The following ME3 variants were observed in gnomAD, a reference collection of about 807,000 sequenced individuals.
ME3 encodes NADP-dependent malic enzyme, mitochondrial.
Under a neutral mutation model 68.9 loss-of-function variants are expected in ME3, and 48 were observed. The ratio of observed to expected loss-of-function variants is 0.70; its 90% CI spans 0.55 to 0.89. The LOEUF (loss-of-function observed/expected upper bound fraction) is 0.89. Among genes scored for constraint, ME3 ranks in the 40% least tolerant of loss-of-function variants. ME3 has a pLI of 0.00. For synonymous variants in ME3, 320 were observed against 318.8 expected, an observed-to-expected ratio of 1.00 and a Z score of -0.04; for missense variants, 675 against 797.4, an observed-to-expected ratio of 0.85 and a Z score of 1.85.
At chr11:86,654,563 C>T (rs964007254) in intron 2 of ME3, among the ~76,000 whole-genome samples, 1 of 152,184 alleles carries the variant, frequency 6.6e-6, no homozygotes, top group Admixed American at 6.5e-5. Flanking sequence ...ATGCTGAAAA[C>T]TCTCAATGAA....
At chr11:86,532,354 T>C (rs1955314132) in intron 4 of ME3, among the ~76,000 whole-genome samples, 2 of 152,152 alleles carry the variant, frequency 1.3e-5, no homozygotes, top group African/African-American at 4.8e-5. Flanking sequence ...GAATTACACT[T>C]TGAACAAAAT....
intron 6 of ME3, 97 bp from the exon 7 acceptor site, chr11:86,487,537 G>A (rs1483949095): frequency 7.2e-6 from 7 of 975,444 alleles, no homozygotes; most frequent in South Asian, 1.4e-5. Flanking sequence ...GAACCAGAAG[G>A]TGGGAGGAGA....
chr11:86,447,545 A>T (rs1171231496), intron 11 of ME3, among the ~76,000 whole-genome samples: 3 of 152,028 alleles, frequency 2.0e-5, no homozygotes, highest in Admixed American at 6.5e-5. Context: ...TGCCCATCTC[A>T]TTGTGGTTAG....
At position 86,669,141 on chromosome 11, in the gene ME3, A is replaced by G. The variant is rs141110598; in HGVS notation, c.183+2621T>C. Among the ~76,000 whole-genome samples the G allele has an allele frequency of 4.8e-3, 734 of 152,184 alleles. 11 individuals are homozygous for G. The highest frequency in any genetic ancestry group is 0.017 in the African/African-American group (710 of 41,500). ...AGCCAGAGGGTGGCACTCCAGTGGG[A>G]AGAGAAGGGCACTCACAGTAACTCC... is the stretch of plus-strand genomic sequence containing the variant. On this transcript the variant is annotated intron_variant, in intron 2 of 14. Coordinates refer to ENST00000543262, the Ensembl canonical transcript of ME3.
At chr11:86,501,482 G>A (rs1800462237) in intron 5 of ME3, among the ~76,000 whole-genome samples, 1 of 152,216 alleles carries the variant, frequency 6.6e-6, no homozygotes, top group African/African-American at 2.4e-5. Flanking sequence ...GTCTGGCCAT[G>A]TGAAGCTTAA....
At chr11:86,559,767 C>G (rs538087697) in exon 3 of ME3, 4 of 1,613,986 alleles carry the variant, frequency 2.5e-6, no homozygotes, top group Non-Finnish European at 2.5e-6. Context: ...GAAAGCAGGG[C>G]GGGATTAGGC....
At chr11:86,519,853 C>T (rs1211506526) in intron 4 of ME3, among the ~76,000 whole-genome samples, 4 of 152,196 alleles carry the variant, frequency 2.6e-5, no homozygotes, top group Admixed American at 2.0e-4. Context: ...AGGTAACTGT[C>T]CATGCCTTGG....
chr11:86,563,566 A>AT (rs1957340167), intron 2 of ME3, among the ~76,000 whole-genome samples: 1 of 152,018 alleles, frequency 6.6e-6, no homozygotes, highest in Non-Finnish European at 1.5e-5. Context: ...GTCTTTGAGG[A>AT]TTTTTTTATA....
At chr11:86,538,828 A>G (rs529130246) in intron 4 of ME3, among the ~76,000 whole-genome samples, 11 of 152,208 alleles carry the variant, frequency 7.2e-5, no homozygotes, top group African/African-American at 2.4e-4. Context: ...CCTACATCCA[A>G]CTTTACCTTC....
At position 86,556,535 on chromosome 11, in the gene ME3, C is replaced by T. The variant is rs772664242; in HGVS notation, c.467+18G>A. 2.5e-6 allele frequency: 4 copies of T among 1,608,334 alleles called. No homozygotes were observed. Among genetic ancestry groups the T allele is most frequent in the Non-Finnish European group, 3.4e-6 (4 of 1,177,050 alleles). On this transcript the variant is annotated intron_variant, in intron 4 of 14. Coordinates refer to ENST00000543262, the Ensembl canonical transcript of ME3. ...ATGAGGCAGCCCCTCCCAGAGCCCTCACTCCACGGGGGCTCACCGGGGCCT... is the reference window on the plus strand; with the variant it reads ...ATGAGGCAGCCCCTCCCAGAGCCCTTACTCCACGGGGGCTCACCGGGGCCT...
intron 2 of ME3, among the ~76,000 whole-genome samples, chr11:86,643,909 C>G (rs1360954088): frequency 6.6e-6 from 1 of 152,222 alleles, no homozygotes; most frequent in Non-Finnish European, 1.5e-5. Context: ...TGGGCTCCAG[C>G]ATCCTCCCCT....
At chr11:86,589,586 C>T (rs1042651412) in intron 2 of ME3, among the ~76,000 whole-genome samples, 1 of 152,200 alleles carries the variant, frequency 6.6e-6, no homozygotes, top group African/African-American at 2.4e-5. Context: ...TCATGATACT[C>T]ATCTGTCTTA....
chr11:86,471,141 C>CTTTTTTTTTTTTTT (rs1163128094), intron 7 of ME3, among the ~76,000 whole-genome samples: 1 of 75,044 alleles, frequency 1.3e-5, no homozygotes, highest in Non-Finnish European at 2.4e-5. Context: ...AGGCCCAGAG[C>CTTTTTTTTTTTTTT]TTTTTTTTTT....
At chr11:86,472,464 C>A (rs889823655) in intron 7 of ME3, among the ~76,000 whole-genome samples, 1 of 152,060 alleles carries the variant, frequency 6.6e-6, no homozygotes. Context: ...ATTGTGAAGT[C>A]CTGGTATTAA....
At chr11:86,600,876 C>T (rs1251444803) in intron 2 of ME3, among the ~76,000 whole-genome samples, 1 of 151,348 alleles carries the variant, frequency 6.6e-6, no homozygotes, top group Admixed American at 6.6e-5. Context: ...GAAATGAAGG[C>T]AGAAATAAAG....
At chr11:86,574,771 G>C (rs1006121587) in intron 2 of ME3, among the ~76,000 whole-genome samples, 8 of 152,184 alleles carry the variant, frequency 5.3e-5, no homozygotes, top group Non-Finnish European at 5.9e-5. Flanking sequence ...GACTCAGTAC[G>C]TCAACTTTCT....
In ME3 at chr11:86,652,916, G is replaced by T. The variant is rs559349883; in HGVS notation, c.183+18846C>A. On this transcript the variant is annotated intron_variant, in intron 2 of 14. Coordinates refer to ENST00000543262, the Ensembl canonical transcript of ME3. The stretch of plus-strand genomic sequence containing the variant: ...TGAAGGAAGATCAACCAGGCAAATG[G>T]AAAAAAAAAAAAGGCAGGGGTTGCA... Among the ~76,000 whole-genome samples the T allele has an allele frequency of 5.0e-5, 7 of 140,918 alleles. No individual in the cohort carries two copies. The South Asian group carries it at 1.6e-3, about 32-fold the overall frequency. 92.4% of individuals were successfully genotyped at this position (140,918 alleles called of 152,430 possible). A position where few individuals can be genotyped will look rare whatever the true frequency, so the allele number is the denominator to read the frequency against.
intron 2 of ME3, among the ~76,000 whole-genome samples, chr11:86,567,645 G>A (rs1957560394): frequency 1.3e-5 from 2 of 152,200 alleles, no homozygotes; most frequent in Admixed American, 6.5e-5. Context: ...ACCTTCTTTT[G>A]TATTTGAGGA....
intron 7 of ME3, among the ~76,000 whole-genome samples, chr11:86,469,929 T>C (rs2138778857): frequency 6.6e-6 from 1 of 152,110 alleles, no homozygotes; most frequent in South Asian, 2.1e-4. Context: ...TCTGGAGTTC[T>C]GGTGAGCTGT....
Sources: gnomAD v4.1 joint callset for allele counts (sites outside exome capture counted in the v4.1 genomes callset) on GRCh38, gnomAD v4.1.1 for gene constraint, MANE v1.5 for transcripts, NCBI Gene and HGNC (gene_info 2026-07-23, HGNC 2026-07-21) for gene names.